The following MTUS2 variants were observed in gnomAD, a reference collection of about 807,000 sequenced individuals.
The protein encoded by MTUS2 is microtubule associated scaffold protein 2.
Under a neutral mutation model 114.1 loss-of-function variants are expected in MTUS2, and 40 were observed. That is an observed-to-expected ratio of 0.35 (90% CI 0.27 to 0.46). The LOEUF (loss-of-function observed/expected upper bound fraction) is 0.46. Among genes scored for constraint, MTUS2 ranks in the 20% least tolerant of loss-of-function variants. MTUS2 has a pLI of 1.00. For synonymous variants in MTUS2, 688 were observed against 672.0 expected (o/e 1.02, Z -0.37); for missense variants, 1,679 against 1,705.4 (o/e 0.98, Z 0.27).
rs1886511024 is a variant in MTUS2 at position 29,025,822 on chromosome 13, G to A, written c.1124G>A (p.Arg375Lys). 6.2e-7 allele frequency: 1 copy of A among 1,613,820 alleles called. No individual in the cohort carries two copies. Among genetic ancestry groups the A allele is most frequent in the South Asian group, 1.1e-5 (1 of 91,062 alleles). ...GACCTCCACCACCTTGGGGTGGGAA[G>A]AGGCAACTGTGAAGAGAAGAGAGGA... ...NSDLHHLGVG[R>K]GNCEEKRGVN... is the part of the protein sequence containing the mutation. The change falls in exon 3 of 16, where the codon AGA (arginine) becomes AAA (lysine). Residue 375 changes from arginine (R) to lysine (K), a missense_variant. Coordinates refer to ENST00000612955, the MANE Select transcript of MTUS2 (RefSeq NM_001033602.4).
intron 5 of MTUS2, among the ~76,000 whole-genome samples, chr13:29,255,852 A>G (rs1007184903): frequency 2.0e-5 from 3 of 152,182 alleles, no homozygotes; most frequent in Non-Finnish European, 4.4e-5. Flanking sequence ...GACACGCTGC[A>G]TTGAGTTATT....
In MTUS2 at chr13:29,485,272, A is replaced by G. The variant is rs1203788773; in HGVS notation, c.3400-2628A>G. ...GTTCCAAGGTCCTCTCAGGCTGGGA[A>G]TTCTTATTGGCTGCTTCATAAATGT... On this transcript the variant is annotated intron_variant, in intron 10 of 15. Transcript: ENST00000612955. The G allele has an allele frequency of 2.6e-5, 4 of 152,686 alleles. No homozygotes were observed. The South Asian group carries it at 8.3e-4, about 32-fold the overall frequency. 9.5% of individuals were successfully genotyped at this position (152,686 alleles called of 1,614,324 possible). A position where few individuals can be genotyped will look rare whatever the true frequency, so the allele number is the denominator to read the frequency against.
rs559556224 is a variant in MTUS2 at position 29,052,474 on chromosome 13, A to C, written c.2446+18349A>C. Among the ~76,000 whole-genome samples, 32 of 151,990 alleles carry C rather than the reference A, an allele frequency of 2.1e-4. No homozygotes were observed. The South Asian group carries it at 5.8e-3, about 28-fold the overall frequency. The stretch of plus-strand genomic sequence containing the variant: ...CTAGCCTGAGCAAAAAAAAAAAAAA[A>C]AAAGAAAAGGAAAAGAAAAAGAAAA... On this transcript the variant is annotated intron_variant, in intron 4 of 15. Coordinates refer to ENST00000612955, the MANE Select transcript of MTUS2 (RefSeq NM_001033602.4).
chr13:29,004,127 C>T (rs1245615577), intron 2 of MTUS2, among the ~76,000 whole-genome samples: 1 of 152,168 alleles, frequency 6.6e-6, no homozygotes, highest in African/African-American at 2.4e-5. Context: ...GAAACAATGA[C>T]AAATAATTCT....
At chr13:29,187,370 TTAAAG>T (rs1166893200) in intron 5 of MTUS2, among the ~76,000 whole-genome samples, 2 of 151,942 alleles carry the variant, frequency 1.3e-5, no homozygotes, top group Admixed American at 1.3e-4. Flanking sequence ...CCAAGAGAAA[TTAAAG>T]AGAAGACTCA....
At chr13:29,000,453 C>A (rs770564749) in intron 2 of MTUS2, among the ~76,000 whole-genome samples, 7 of 152,056 alleles carry the variant, frequency 4.6e-5, no homozygotes, top group Non-Finnish European at 7.4e-5. Flanking sequence ...ACCTCCACCC[C>A]CTGGGTTTAA....
chr13:29,305,706 G>T (rs189896643), intron 6 of MTUS2, among the ~76,000 whole-genome samples: 1 of 152,250 alleles, frequency 6.6e-6, no homozygotes, highest in East Asian at 1.9e-4. Context: ...TCTACTAGAT[G>T]TACAAAGAAG....
intron 2 of MTUS2, among the ~76,000 whole-genome samples, chr13:28,894,531 C>T (rs1293157862): frequency 1.3e-5 from 2 of 152,126 alleles, no homozygotes; most frequent in African/African-American, 4.8e-5. Flanking sequence ...TTGTTTGAGC[C>T]AGCCAGTCTG....
chr13:28,923,601 G>A (rs958261873), intron 2 of MTUS2, among the ~76,000 whole-genome samples: 1 of 152,188 alleles, frequency 6.6e-6, no homozygotes, highest in African/African-American at 2.4e-5. Flanking sequence ...CCCTCTAGAC[G>A]GGGAAGACTG....
intron 1 of MTUS2, among the ~76,000 whole-genome samples, chr13:28,831,048 C>T: frequency 6.6e-6 from 1 of 152,000 alleles, no homozygotes; most frequent in East Asian, 1.9e-4. Context: ...AACTAAAGGA[C>T]ACAAGTCAGT....
intron 4 of MTUS2, among the ~76,000 whole-genome samples, chr13:29,035,608 C>G (rs985313697): frequency 6.6e-6 from 1 of 152,196 alleles, no homozygotes; most frequent in Non-Finnish European, 1.5e-5. Flanking sequence ...CTGCTGAAAC[C>G]TTTCCATTTT....
intron 7 of MTUS2, among the ~76,000 whole-genome samples, chr13:29,344,335 G>T (rs1290077832): frequency 6.6e-6 from 1 of 152,088 alleles, no homozygotes; most frequent in African/African-American, 2.4e-5. Context: ...GAGCTCCAGT[G>T]TTAGGTGTAT....
intron 9 of MTUS2, among the ~76,000 whole-genome samples, chr13:29,468,032 T>A (rs572091204): frequency 1.3e-5 from 2 of 151,988 alleles, no homozygotes; most frequent in East Asian, 3.9e-4. Flanking sequence ...GGTGGGAGGA[T>A]CATGTGAGCC....
At chr13:29,236,275 A>G (rs773067693) in intron 5 of MTUS2, among the ~76,000 whole-genome samples, 10 of 152,162 alleles carry the variant, frequency 6.6e-5, no homozygotes. Flanking sequence ...TTAGCACAGT[A>G]GGTATATTTT....
intron 4 of MTUS2, among the ~76,000 whole-genome samples, chr13:29,043,100 C>T (rs1317958172): frequency 6.6e-6 from 1 of 151,758 alleles, no homozygotes; most frequent in Non-Finnish European, 1.5e-5. Flanking sequence ...GCAGGCACTG[C>T]TTTTGCTGTA....
intron 5 of MTUS2, among the ~76,000 whole-genome samples, chr13:29,169,539 T>C (rs752939360): frequency 6.6e-6 from 1 of 152,210 alleles, no homozygotes; most frequent in Non-Finnish European, 1.5e-5. Context: ...ATTTGCATTA[T>C]ATACAGGAGA....
chr13:29,445,378 A>G (rs1392563536), intron 9 of MTUS2, among the ~76,000 whole-genome samples: 1 of 152,042 alleles, frequency 6.6e-6, no homozygotes, highest in East Asian at 1.9e-4. Flanking sequence ...GACCACCTCC[A>G]CCTCAGAAAC....
chr13:29,334,463 G>A (rs768212954), intron 7 of MTUS2, among the ~76,000 whole-genome samples: 6 of 152,106 alleles, frequency 3.9e-5, no homozygotes, highest in Non-Finnish European at 8.8e-5. Flanking sequence ...CTTCACTTTT[G>A]AAGCTTAGTT....
chr13:29,392,771 C>G (rs1002223733), intron 8 of MTUS2, among the ~76,000 whole-genome samples: 15 of 150,868 alleles, frequency 9.9e-5, no homozygotes, highest in Middle Eastern at 3.4e-3. Flanking sequence ...CAGTTTCAAC[C>G]TGGGATAATA....
Sources: gnomAD v4.1 joint callset for allele counts (sites outside exome capture counted in the v4.1 genomes callset) on GRCh38, gnomAD v4.1.1 for gene constraint, MANE v1.5 for transcripts, NCBI Gene and HGNC (gene_info 2026-07-23, HGNC 2026-07-21) for gene names.